MORC3: variants seen among roughly 807,000 people sequenced by gnomAD.
MORC3 encodes MORC family CW-type zinc finger 3.
Under a neutral mutation model 109.1 loss-of-function variants are expected in MORC3, and 31 were observed. The ratio of observed to expected loss-of-function variants is 0.28; its 90% CI spans 0.21 to 0.38. The LOEUF (loss-of-function observed/expected upper bound fraction) is 0.38. Among genes scored for constraint, MORC3 ranks in the 10% least tolerant of loss-of-function variants. The pLI, the probability that MORC3 is intolerant of heterozygous loss-of-function variation, is 1.00. For synonymous variants in MORC3, 395 were observed against 380.7 expected, an observed-to-expected ratio of 1.04 and a Z score of -0.44; for missense variants, 867 against 1,135.8, an observed-to-expected ratio of 0.76 and a Z score of 3.40.
At chr21:36,333,794 T>G (rs182410533) in intron 2 of MORC3, 76 bp downstream of exon 2, 39,347 of 1,268,178 alleles carry the variant, frequency 0.031, 928 homozygotes, top group Non-Finnish European at 0.035. Flanking sequence ...GTTTTGTTTT[T>G]TTTTTTTAAA....
At chr21:36,331,308 T>C (rs1373034057) in intron 1 of MORC3, among the ~76,000 whole-genome samples, 1 of 152,016 alleles carries the variant, frequency 6.6e-6, no homozygotes, top group Non-Finnish European at 1.5e-5. Context: ...AAACTACTTG[T>C]GTGTTTTTGG....
intron 1 of MORC3, among the ~76,000 whole-genome samples, chr21:36,326,305 CTTGAGATCAGGAGT>C (rs1482910802): frequency 1.3e-5 from 2 of 152,056 alleles, no homozygotes; most frequent in African/African-American, 4.8e-5. Context: ...GGGCAGATCA[CTTGAGATCAGGAGT>C]TTGAGACCAG....
intron 3 of MORC3, 145 bp from the exon 4 acceptor site, chr21:36,337,587 A>G (rs1601517021): frequency 2.0e-6 from 1 of 506,542 alleles, no homozygotes; most frequent in African/African-American, 2.0e-5. Flanking sequence ...TTATACAGCT[A>G]GGAAGGGTGA....
intron 16 of MORC3, 126 bp downstream of exon 16, chr21:36,372,657 C>T (rs2085884030): frequency 4.1e-6 from 4 of 969,482 alleles, no homozygotes; most frequent in Non-Finnish European, 5.6e-6. Context: ...TCTGCTGTGA[C>T]CCTGGTGTTA....
chr21:36,366,607 G>A (rs905721430), intron 14 of MORC3, among the ~76,000 whole-genome samples: 1 of 151,876 alleles, frequency 6.6e-6, no homozygotes, highest in Non-Finnish European at 1.5e-5. Flanking sequence ...AATGTACACC[G>A]CCATGCCCTG....
chr21:36,330,266 C>A (rs1011510390), intron 1 of MORC3, among the ~76,000 whole-genome samples: 1 of 152,010 alleles, frequency 6.6e-6, no homozygotes, highest in African/African-American at 2.4e-5. Context: ...AAACATTTTA[C>A]AGCCTCTTCT....
chr21:36,353,790 G>GTTTTTT (rs2085607230), intron 9 of MORC3, among the ~76,000 whole-genome samples: 4 of 73,394 alleles, frequency 5.5e-5, no homozygotes, highest in Non-Finnish European at 7.0e-5. Context: ...TAAAGACAGA[G>GTTTTTT]TTTTGCCACG....
In MORC3 at chr21:36,349,054, A is replaced by G. The variant is rs796903256; in HGVS notation, c.1006-257A>G. On this transcript the variant is annotated intron_variant, in intron 8 of 16. Transcript: ENST00000400485. ...GTACTTCCAGCTACTCGGGAGGCTGAGGCAACGAGAGTCACTTGAGCTTGG... is the reference window on the plus strand; with the variant it reads ...GTACTTCCAGCTACTCGGGAGGCTGGGGCAACGAGAGTCACTTGAGCTTGG... 6.2e-4 allele frequency among the ~76,000 whole-genome samples: 94 copies of G among 152,184 alleles called. 1 individual carries two copies. Among genetic ancestry groups the G allele is most frequent in the African/African-American group, 2.1e-3 (88 of 41,546 alleles).
intron 1 of MORC3, chr21:36,320,612 G>A: frequency 3.4e-6 from 1 of 293,848 alleles, no homozygotes; most frequent in Non-Finnish European, 6.3e-6. Context: ...CTCGGCGGGA[G>A]ATCGGTCTGC....
chr21:36,334,041 C>T (rs1425395307), intron 2 of MORC3, among the ~76,000 whole-genome samples: 1 of 152,042 alleles, frequency 6.6e-6, no homozygotes, highest in Non-Finnish European at 1.5e-5. Flanking sequence ...CCTGCCTCAG[C>T]CTCCCAAAGT....
chr21:36,327,858 C>A (rs1390920392), intron 1 of MORC3, among the ~76,000 whole-genome samples: 3 of 151,488 alleles, frequency 2.0e-5, no homozygotes, highest in Non-Finnish European at 4.4e-5. Flanking sequence ...GGAGCTTAGT[C>A]CAAAACAGTG....
chr21:36,344,935 T>C lies in MORC3; in HGVS notation c.909T>C (p.Phe303=), dbSNP rs531409744. 15 of 1,612,186 alleles carry C rather than the reference T, an allele frequency of 9.3e-6. No individual in the cohort carries two copies. The East Asian group carries it at 3.1e-4, about 34-fold the overall frequency. The change falls in exon 8 of 17, where the codon TTT becomes TTC. Residue 303 remains phenylalanine (F), a synonymous_variant. Coordinates refer to ENST00000400485, the MANE Select transcript of MORC3 (RefSeq NM_015358.3). ...AGTCTAAAACAGTGAGAATTACCTTTGGATTCAACTGCAGAAATAAAGATC... is the reference window on the plus strand; with the variant it reads ...AGTCTAAAACAGTGAGAATTACCTTCGGATTCAACTGCAGAAATAAAGATC... ...KFLSKTVRIT[F]GFNCRNKDHY...
chr21:36,349,933 C>A (rs1045012943), intron 9 of MORC3, among the ~76,000 whole-genome samples: 2 of 152,046 alleles, frequency 1.3e-5, no homozygotes, highest in African/African-American at 4.8e-5. Flanking sequence ...GGTCACTGGG[C>A]CCTAGCAAAA....
chr21:36,326,990 AT>A (rs2085254672), intron 1 of MORC3, among the ~76,000 whole-genome samples: 1 of 150,256 alleles, frequency 6.7e-6, no homozygotes, highest in Non-Finnish European at 1.5e-5. Context: ...TAATTTTCGT[AT>A]TTTTAGTAGA....
chr21:36,372,408 G>A lies in MORC3; in HGVS notation c.2543G>A (p.Arg848His), dbSNP rs775405047. 20 of 1,592,806 alleles carry A rather than the reference G, an allele frequency of 1.3e-5. No individual in the cohort carries two copies. The highest frequency in any genetic ancestry group is 2.3e-5 in the South Asian group (2 of 86,502). The stretch of plus-strand genomic sequence containing the variant: ...CTGGAAATGGAAAAGTCACAAATCC[G>A]TTCACAGTGTGAAGAACTCAAAACT... ...ELLEMEKSQI[R>H]SQCEELKTEV... is the part of the protein sequence containing the mutation. The change falls in exon 16 of 17, where the codon CGT becomes CAT. Residue 848 changes from arginine (R) to histidine (H), a missense_variant. Arg to His is a conservative substitution (Grantham distance 29, BLOSUM62 0). Coordinates refer to ENST00000400485, the MANE Select transcript of MORC3 (RefSeq NM_015358.3).
chr21:36,362,884 G>A (rs117135274), intron 13 of MORC3, among the ~76,000 whole-genome samples: 2,997 of 152,078 alleles, frequency 0.02, 54 homozygotes, highest in Admixed American at 0.043. Flanking sequence ...ATCTTCTGAG[G>A]AAAGGCAAAC....
At chr21:36,347,547 G>A (rs1188650122) in intron 8 of MORC3, among the ~76,000 whole-genome samples, 1 of 152,096 alleles carries the variant, frequency 6.6e-6, no homozygotes, top group African/African-American at 2.4e-5. Flanking sequence ...CTGTGGATTC[G>A]GTAAACATTA....
chr21:36,330,743 C>A (rs1168329947), intron 1 of MORC3, among the ~76,000 whole-genome samples: 2 of 152,118 alleles, frequency 1.3e-5, no homozygotes, highest in African/African-American at 4.8e-5. Flanking sequence ...GTGTATCATT[C>A]TTTTATCAGT....
intron 1 of MORC3, among the ~76,000 whole-genome samples, chr21:36,332,019 T>C (rs2085321456): frequency 6.6e-6 from 1 of 151,926 alleles, no homozygotes; most frequent in Admixed American, 6.6e-5. Flanking sequence ...TCCATGCCTG[T>C]GGTCCCAGCT....
Sources: allele counts gnomAD v4.1 joint callset (sites outside exome capture counted in the v4.1 genomes callset), GRCh38; gene constraint gnomAD v4.1.1; transcripts MANE v1.5; gene names NCBI Gene and HGNC (gene_info 2026-07-23, HGNC 2026-07-21).